TRPM3: variants seen among roughly 807,000 people sequenced by gnomAD.
TRPM3 encodes the protein long transient receptor potential channel 3.
TRPM3 carries 77 observed loss-of-function variants against 181.2 expected under a neutral mutation model. That is an observed-to-expected ratio of 0.42 (90% confidence interval 0.35 to 0.51). The LOEUF (loss-of-function observed/expected upper bound fraction) is 0.51. TRPM3 is among the 20% of genes least tolerant of loss of function. The pLI is 0.01. For synonymous variants in TRPM3, 745 were observed against 796.4 expected (o/e 0.94, Z 1.09); for missense variants, 1,759 against 2,196.7 (o/e 0.80, Z 3.98).
At chr9:71,026,962 C>A (rs184397775) in intron 1 of TRPM3, among the ~76,000 whole-genome samples, 1 of 152,134 alleles carries the variant, frequency 6.6e-6, no homozygotes, top group Non-Finnish European at 1.5e-5. Context: ...CTGCTGAGCA[C>A]GCACCCTGCT....
At chr9:70,782,230 A>G (rs1407182240) in intron 7 of TRPM3, among the ~76,000 whole-genome samples, 5 of 150,594 alleles carry the variant, frequency 3.3e-5, no homozygotes, top group African/African-American at 1.2e-4. Context: ...TTTAAGACAG[A>G]GTTTCGCTCT....
intron 1 of TRPM3, among the ~76,000 whole-genome samples, chr9:71,318,226 G>T (rs1052498238): frequency 6.6e-6 from 1 of 152,162 alleles, no homozygotes; most frequent in African/African-American, 2.4e-5. Context: ...AAAATCAGGG[G>T]TTTTAAAATA....
upstream of TRPM3, among the ~76,000 whole-genome samples, chr9:71,121,785 A>G (rs935640468): frequency 2.0e-5 from 3 of 151,706 alleles, no homozygotes; most frequent in African/African-American, 7.3e-5. Flanking sequence ...TGCACAAAGC[A>G]TCTTTGAGGG....
At chr9:71,418,928 G>GTGTA (rs1554895586) in intron 1 of TRPM3, among the ~76,000 whole-genome samples, 4 of 144,728 alleles carry the variant, frequency 2.8e-5, no homozygotes, top group Admixed American at 1.4e-4. Context: ...GTGTGTGTGT[G>GTGTA]TATATATATA....
intron 1 of TRPM3, among the ~76,000 whole-genome samples, chr9:71,442,966 T>C (rs2094153834): frequency 1.3e-5 from 2 of 152,202 alleles, no homozygotes; most frequent in African/African-American, 2.4e-5. Context: ...TTTATACCTA[T>C]TGACCAATTC....
intron 1 of TRPM3, among the ~76,000 whole-genome samples, chr9:70,992,149 G>T (rs954461921): frequency 6.6e-6 from 1 of 152,164 alleles, no homozygotes; most frequent in African/African-American, 2.4e-5. Flanking sequence ...GGAGCTCCTT[G>T]TACCACTTGT....
intron 25 of TRPM3, among the ~76,000 whole-genome samples, chr9:70,538,318 G>A (rs181531214): frequency 6.6e-6 from 1 of 152,024 alleles, no homozygotes; most frequent in African/African-American, 2.4e-5. Context: ...TTAGAGATGG[G>A]GGGGGTCTCA....
At chr9:70,965,440 T>A (rs540577765) in intron 1 of TRPM3, among the ~76,000 whole-genome samples, 1 of 152,074 alleles carries the variant, frequency 6.6e-6, no homozygotes, top group South Asian at 2.1e-4. Flanking sequence ...TAAAATTTTA[T>A]AACAATCAAG....
intron 6 of TRPM3, among the ~76,000 whole-genome samples, chr9:70,812,995 GAC>G (rs1383632653): frequency 6.6e-6 from 1 of 152,176 alleles, no homozygotes; most frequent in East Asian, 1.9e-4. Context: ...CTAAGGTAGT[GAC>G]ACAAGGCTGG....
intron 9 of TRPM3, 43 bp downstream of exon 9, chr9:70,681,463 C>A (rs761338948): frequency 1.3e-6 from 2 of 1,511,690 alleles, no homozygotes; most frequent in Admixed American, 1.7e-5. Context: ...TGTATTAATT[C>A]GTTTAAATTA....
At chr9:71,276,430 C>T (rs772372771) in intron 1 of TRPM3, among the ~76,000 whole-genome samples, 1 of 151,804 alleles carries the variant, frequency 6.6e-6, no homozygotes, top group Non-Finnish European at 1.5e-5. Flanking sequence ...GGATATGACA[C>T]AACACAAATA....
chr9:70,573,466 GA>G (rs2053009745), intron 22 of TRPM3, among the ~76,000 whole-genome samples: 1 of 152,210 alleles, frequency 6.6e-6, no homozygotes, highest in Admixed American at 6.5e-5. Context: ...TGGGATAGCA[GA>G]AAGCTGTGTG....
chr9:70,578,997 G>A (rs547927271), intron 22 of TRPM3, among the ~76,000 whole-genome samples: 1 of 152,118 alleles, frequency 6.6e-6, no homozygotes, highest in Non-Finnish European at 1.5e-5. Flanking sequence ...TGGTTAGGGG[G>A]TGCAACTGCC....
At chr9:70,933,440 G>A (rs1235266413) in intron 1 of TRPM3, among the ~76,000 whole-genome samples, 1 of 152,160 alleles carries the variant, frequency 6.6e-6, no homozygotes, top group Admixed American at 6.5e-5. Flanking sequence ...AACCAGATAA[G>A]TGTAGAAAAT....
chr9:71,138,168 T>C (rs1306694019), intron 1 of TRPM3, among the ~76,000 whole-genome samples: 1 of 151,772 alleles, frequency 6.6e-6, no homozygotes, highest in Middle Eastern at 3.2e-3. Context: ...AGAGGAAGTA[T>C]TAGAAATCAA....
At chr9:71,103,328 T>G (rs1434957657) in intron 1 of TRPM3, among the ~76,000 whole-genome samples, 1 of 152,164 alleles carries the variant, frequency 6.6e-6, no homozygotes, top group Admixed American at 6.6e-5. Context: ...AAGAGGAACC[T>G]TAGAACAAAG....
intron 1 of TRPM3, among the ~76,000 whole-genome samples, chr9:71,181,058 C>T (rs537654053): frequency 7.2e-4 from 110 of 152,076 alleles, no homozygotes; most frequent in African/African-American, 2.5e-3. Flanking sequence ...ATTTGAGGAC[C>T]CAGACACTTC....
At position 70,769,579 on chromosome 9, in the gene TRPM3, T is replaced by C. The variant is rs772694155; in HGVS notation, c.1149-7855A>G. 1.1e-4 allele frequency among the ~76,000 whole-genome samples: 17 copies of C among 152,064 alleles called. 1 individual carries two copies. The highest frequency in any genetic ancestry group is 5.2e-4 in the Admixed American group (8 of 15,268). ...ATTTAATCATCCCACAATGTAAACA[T>C]ATATCAAGACATTGCAGTGTATCCC... On this transcript the variant is annotated intron_variant, in intron 7 of 25. Coordinates refer to ENST00000677713, the MANE Select transcript of TRPM3 (RefSeq NM_001366145.2).
chr9:70,603,380 A>G lies in TRPM3; in HGVS notation c.2758T>C (p.Ser920Pro). The change falls in exon 20 of 26, where the codon TCC becomes CCC. Residue 920 changes from serine to proline, a missense_variant. Physicochemically the swap from Ser to Pro is moderately conservative, Grantham distance 74 (BLOSUM62 -1). Transcript: ENST00000677713. ...WPSTQEWIVI[S>P]YIFTLGIEKM... The stretch of plus-strand genomic sequence containing the variant: ...TCTATTCCCAGGGTGAAAATATAGG[A>G]GATTACGATCCATTCCTGGGTGGAC... 6.2e-7 allele frequency: 1 copy of G among 1,613,968 alleles called. No homozygotes were observed. Among genetic ancestry groups the G allele is most frequent in the Admixed American group, 1.7e-5 (1 of 60,000 alleles).
Sources: gnomAD v4.1 joint callset for allele counts (sites outside exome capture counted in the v4.1 genomes callset) on GRCh38, gnomAD v4.1.1 for gene constraint, MANE v1.5 for transcripts, NCBI Gene and HGNC (gene_info 2026-07-23, HGNC 2026-07-21) for gene names.